CUBN: variants seen among roughly 807,000 people sequenced by gnomAD.
The protein encoded by CUBN is cubilin, also known as 460 kDa receptor.
A neutral mutation model predicts 405.3 loss-of-function variants in CUBN; 282 were observed. That is an observed-to-expected ratio of 0.70 (90% CI 0.63 to 0.77). CUBN has a LOEUF of 0.77. CUBN is among the 30% of genes least tolerant of loss of function. CUBN has a pLI of 0.00. For synonymous variants in CUBN, 1,684 were observed against 1,617.0 expected (o/e 1.04, Z -0.99); for missense variants, 4,514 against 4,475.2 (o/e 1.01, Z -0.25).
intron 23 of CUBN, 29 bp downstream of exon 23, chr10:17,047,385 A>T (rs1195648976): frequency 6.6e-7 from 1 of 1,506,130 alleles, no homozygotes; most frequent in Non-Finnish European, 9.2e-7. Context: ...TAATGAAAAG[A>T]TTATAATGAA....
At chr10:16,832,316 A>G (rs1221072828) in intron 64 of CUBN, among the ~76,000 whole-genome samples, 3 of 152,040 alleles carry the variant, frequency 2.0e-5, no homozygotes, top group African/African-American at 4.8e-5. Context: ...TCTGTTCCCT[A>G]TATAATTCCA....
Position 16,913,953 on chromosome 10 carries a change from G to A in CUBN, c.7391C>T (p.Thr2464Ile). 6.2e-7 allele frequency: 1 copy of A among 1,614,094 alleles called. No homozygotes were observed. ...GDLQGSIGTF[T>I]SPNYPNPNPH... is the part of the protein sequence containing the mutation. ...ATTTGGGTTCGGGTAGTTGGGAGAA[G>A]TAAATGTTCCAATAGAGCCCTGAAG... Residue 2464 changes from threonine (T) to isoleucine (I), a missense_variant, in exon 48 of 67, where the codon ACT (threonine) becomes ATT (isoleucine). Coordinates refer to ENST00000377833, the MANE Select transcript of CUBN (RefSeq NM_001081.4).
chr10:17,119,869 C>T (rs1354804018), intron 6 of CUBN, among the ~76,000 whole-genome samples: 3 of 152,280 alleles, frequency 2.0e-5, no homozygotes, highest in East Asian at 1.9e-4. Flanking sequence ...AGAATTTCCA[C>T]CAGAAGTTTA....
chr10:16,990,650 A>G, intron 28 of CUBN, 135 bp from the exon 29 acceptor site: 1 of 696,596 alleles, frequency 1.4e-6, no homozygotes, highest in Non-Finnish European at 2.4e-6. Flanking sequence ...GTTACAATAA[A>G]GTTATAATTA....
At chr10:16,996,065 C>A (rs1833727141) in intron 28 of CUBN, among the ~76,000 whole-genome samples, 1 of 152,114 alleles carries the variant, frequency 6.6e-6, no homozygotes, top group Admixed American at 6.6e-5. Flanking sequence ...CCATGCCTTG[C>A]CGAGAACTTC....
chr10:17,054,498 C>A (rs1835346320), intron 22 of CUBN, among the ~76,000 whole-genome samples: 1 of 151,204 alleles, frequency 6.6e-6, no homozygotes, highest in Admixed American at 6.6e-5. Flanking sequence ...ATGGAAAATG[C>A]AATAGCAATA....
chr10:16,895,075 T>G (rs1408362865), intron 54 of CUBN, among the ~76,000 whole-genome samples: 1 of 152,206 alleles, frequency 6.6e-6, no homozygotes, highest in Non-Finnish European at 1.5e-5. Context: ...ACTTACATTT[T>G]GGCCTGTTGT....
intron 59 of CUBN, among the ~76,000 whole-genome samples, chr10:16,853,295 C>A (rs1839772861): frequency 6.6e-6 from 1 of 152,202 alleles, no homozygotes; most frequent in African/African-American, 2.4e-5. Flanking sequence ...TTGTATTCTA[C>A]ACAAATATAG....
Position 17,129,723 on chromosome 10 carries a change from A to G in CUBN, c.43T>C (p.Leu15=). Reference sequence around the variant, plus strand: ...CCATTTACTTCAGCAAATATTAATAAGGTAAGCAAACTCCAAAGAAAAGGT... The same window carrying G: ...CCATTTACTTCAGCAAATATTAATAGGGTAAGCAAACTCCAAAGAAAAGGT... ...SLPFLWSLLT[L]LIFAEVNGEA... is the part of the protein sequence containing the mutation. Residue 15 remains leucine (L), a synonymous_variant, in exon 1 of 67, where the codon TTA becomes CTA. Transcript: ENST00000377833. The G allele has an allele frequency of 6.2e-7, 1 of 1,614,122 alleles. No homozygotes were observed. The highest frequency in any genetic ancestry group is 8.5e-7 in the Non-Finnish European group (1 of 1,179,982).
chr10:16,907,172 C>T (rs1318954959), intron 49 of CUBN, among the ~76,000 whole-genome samples: 2 of 152,010 alleles, frequency 1.3e-5, no homozygotes, highest in African/African-American at 4.8e-5. Flanking sequence ...AAGTTACCCT[C>T]TAGGAGGTAG....
chr10:16,993,724 C>G (rs536130452), intron 28 of CUBN, among the ~76,000 whole-genome samples: 1 of 150,504 alleles, frequency 6.6e-6, no homozygotes, highest in East Asian at 1.9e-4. Flanking sequence ...AGGCTTGTCT[C>G]GAACTCCTGA....
At chr10:16,949,384 A>T (rs1842864290) in intron 34 of CUBN, among the ~76,000 whole-genome samples, 1 of 151,980 alleles carries the variant, frequency 6.6e-6, no homozygotes, top group Non-Finnish European at 1.5e-5. Flanking sequence ...AGAAGTTTTT[A>T]CAACAAAATT....
intron 45 of CUBN, among the ~76,000 whole-genome samples, chr10:16,918,397 A>T (rs1841945829): frequency 6.6e-6 from 1 of 152,134 alleles, no homozygotes; most frequent in African/African-American, 2.4e-5. Flanking sequence ...GGCCATTTTA[A>T]TAATATTGAT....
chr10:17,099,648 A>T (rs1018885877), intron 14 of CUBN, among the ~76,000 whole-genome samples: 1 of 152,168 alleles, frequency 6.6e-6, no homozygotes, highest in Admixed American at 6.5e-5. Flanking sequence ...CAGGAGTTTG[A>T]GACCAGCCTG....
At chr10:16,929,098 A>C (rs1431917003) in intron 40 of CUBN, among the ~76,000 whole-genome samples, 1 of 151,428 alleles carries the variant, frequency 6.6e-6, no homozygotes, top group Non-Finnish European at 1.5e-5. Flanking sequence ...CCCTTTCTTC[A>C]GTGCCAGTGG....
At chr10:16,976,501 T>C (rs1057202265) in intron 31 of CUBN, among the ~76,000 whole-genome samples, 4 of 149,708 alleles carry the variant, frequency 2.7e-5, no homozygotes, top group Non-Finnish European at 5.9e-5. Context: ...TTTGTTATTA[T>C]TATTTTTTTT....
chr10:17,114,863 T>C (rs1836852638), intron 7 of CUBN, among the ~76,000 whole-genome samples: 1 of 152,194 alleles, frequency 6.6e-6, no homozygotes, highest in Non-Finnish European at 1.5e-5. Context: ...TCCTTTTATA[T>C]TCCTGTGTTT....
chr10:17,107,054 C>A (rs1385324717), intron 10 of CUBN, among the ~76,000 whole-genome samples: 1 of 152,116 alleles, frequency 6.6e-6, no homozygotes, highest in Non-Finnish European at 1.5e-5. Context: ...TAGGAAGGAA[C>A]TTGGTCAAAA....
intron 31 of CUBN, among the ~76,000 whole-genome samples, chr10:16,958,184 T>C (rs1296613608): frequency 1.3e-5 from 2 of 152,170 alleles, no homozygotes; most frequent in African/African-American, 4.8e-5. Flanking sequence ...GGGGCACACC[T>C]AGAAGCTTTA....
Sources: gnomAD v4.1 joint callset for allele counts (sites outside exome capture counted in the v4.1 genomes callset) on GRCh38, gnomAD v4.1.1 for gene constraint, MANE v1.5 for transcripts, NCBI Gene and HGNC (gene_info 2026-07-23, HGNC 2026-07-21) for gene names.